The following NTN4 variants were observed in gnomAD, a reference collection of about 807,000 sequenced individuals.
NTN4 encodes the protein netrin-4.
NTN4 carries 32 observed loss-of-function variants against 73.6 expected under a neutral mutation model. That is an observed-to-expected ratio of 0.44 (90% confidence interval 0.33 to 0.58). NTN4 has a LOEUF of 0.58. NTN4 is among the 20% of genes least tolerant of loss of function. The pLI is 0.04. For missense variants in NTN4, 654 were observed against 798.3 expected (o/e 0.82, Z 2.18); for synonymous variants, 258 against 287.5 (o/e 0.90, Z 1.04).
At chr12:95,714,180 A>AT (rs1390252485) in intron 3 of NTN4, among the ~76,000 whole-genome samples, 1 of 152,106 alleles carries the variant, frequency 6.6e-6, no homozygotes, top group Admixed American at 6.6e-5. Flanking sequence ...GAATTTTAAT[A>AT]TTTTTTGTAT....
intron 2 of NTN4, among the ~76,000 whole-genome samples, chr12:95,756,089 GT>G (rs1324364830): frequency 2.0e-5 from 3 of 152,154 alleles, no homozygotes; most frequent in Non-Finnish European, 4.4e-5. Context: ...TGGTGACAGA[GT>G]TAAGACTGGA....
In NTN4 at chr12:95,704,627, G is replaced by A. The variant is rs1264545893; in HGVS notation, c.1180+5814C>T. ...TCAAACATACTCCTAATCAAACAAC[G>A]TAGGTAGAGAGTACGTAGGTAGAGA... On this transcript the variant is annotated intron_variant, in intron 5 of 9. Transcript: ENST00000343702. Among the ~76,000 whole-genome samples the A allele has an allele frequency of 5.9e-5, 9 of 152,164 alleles. 1 individual carries two copies. Among genetic ancestry groups the A allele is most frequent in the Admixed American group, 2.6e-4 (4 of 15,280 alleles).
At chr12:95,729,565 C>T (rs918622750) in intron 3 of NTN4, among the ~76,000 whole-genome samples, 1 of 150,650 alleles carries the variant, frequency 6.6e-6, no homozygotes, top group Non-Finnish European at 1.5e-5. Flanking sequence ...GTTTTCCTTA[C>T]TATTTGAAAT....
chr12:95,767,702 A>G (rs2079029467), intron 2 of NTN4, among the ~76,000 whole-genome samples: 1 of 152,112 alleles, frequency 6.6e-6, no homozygotes, highest in African/African-American at 2.4e-5. Flanking sequence ...ATCATTTCCC[A>G]TATTGATGAA....
Position 95,694,455 on chromosome 12 carries a change from C to T in NTN4, c.1181-10744G>A, listed in dbSNP as rs543742060. Among the ~76,000 whole-genome samples the T allele has an allele frequency of 2.0e-5, 3 of 152,082 alleles. No individual in the cohort carries two copies. The South Asian group carries it at 6.2e-4, about 32-fold the overall frequency. On this transcript the variant is annotated intron_variant, in intron 5 of 9. Transcript: ENST00000343702. Reference sequence around the variant, plus strand: ...TAGTGAAGTCATTCCAAAAGCTGCCCAGCTGCCTGCTGAATTCTTAGAGCA... The same window carrying T: ...TAGTGAAGTCATTCCAAAAGCTGCCTAGCTGCCTGCTGAATTCTTAGAGCA...
At chr12:95,786,152 G>T (rs1457673567) in intron 2 of NTN4, among the ~76,000 whole-genome samples, 1 of 152,082 alleles carries the variant, frequency 6.6e-6, no homozygotes, top group African/African-American at 2.4e-5. Flanking sequence ...TCTTTTTCCT[G>T]AATCAGTATT....
chr12:95,672,398 G>C, intron 7 of NTN4: 1 of 999,340 alleles, frequency 1.0e-6, no homozygotes, highest in Non-Finnish European at 1.6e-6. Flanking sequence ...ACCTGAGCCC[G>C]GCAGGCCACC....
intron 3 of NTN4, among the ~76,000 whole-genome samples, chr12:95,732,416 T>C (rs1297308544): frequency 8.0e-6 from 1 of 124,880 alleles, no homozygotes; most frequent in African/African-American, 2.7e-5. Context: ...TTTTTTTTTT[T>C]TTCCAGACAA....
intron 7 of NTN4, 51 bp downstream of exon 7, chr12:95,682,656 G>A (rs1277465420): frequency 7.8e-7 from 1 of 1,281,894 alleles, no homozygotes; most frequent in East Asian, 2.3e-5. Context: ...ACGTATCACT[G>A]TTACATAAGA....
intron 5 of NTN4, among the ~76,000 whole-genome samples, chr12:95,691,553 G>A (rs1445548083): frequency 6.6e-6 from 1 of 152,052 alleles, no homozygotes; most frequent in African/African-American, 2.4e-5. Flanking sequence ...GTGCCACCAC[G>A]CCTGGCTAAT....
intron 3 of NTN4, among the ~76,000 whole-genome samples, chr12:95,733,053 G>A (rs2078750189): frequency 6.6e-6 from 1 of 152,168 alleles, no homozygotes; most frequent in Admixed American, 6.5e-5. Context: ...CAAATTACAG[G>A]AGAAAAATCT....
intron 2 of NTN4, among the ~76,000 whole-genome samples, chr12:95,778,980 C>T (rs1401601386): frequency 6.6e-6 from 1 of 152,176 alleles, no homozygotes; most frequent in African/African-American, 2.4e-5. Context: ...GAGCTTCATC[C>T]CTGGGATGCA....
intron 5 of NTN4, among the ~76,000 whole-genome samples, chr12:95,700,836 CAG>C (rs1211253329): frequency 1.7e-5 from 2 of 115,216 alleles, no homozygotes; most frequent in African/African-American, 3.5e-5. Context: ...TTTTTTGAGA[CAG>C]AGTCTCCCTC....
chr12:95,738,115 G>C lies in NTN4; in HGVS notation c.615C>G (p.Tyr205Ter). The C allele has an allele frequency of 6.2e-7, 1 of 1,613,830 alleles. No homozygotes were observed. The highest frequency in any genetic ancestry group is 8.5e-7 in the Non-Finnish European group (1 of 1,179,814). Residue 205 changes from tyrosine to a stop codon, truncating the protein, a stop_gained, in exon 3 of 10, where the codon TAC becomes TAG. Transcript: ENST00000343702. LOFTEE classifies it high-confidence loss of function. ...TGGCACTGTAAGGGTTCTCTGTATC[G>C]TATGGTGGTGACAAAGCTTTGAAAA... ...EVIFKALSPP[Y>*]DTENPYSAKV...
intron 4 of NTN4, among the ~76,000 whole-genome samples, chr12:95,712,183 GA>G (rs1292843801): frequency 6.6e-6 from 1 of 152,002 alleles, no homozygotes; most frequent in Non-Finnish European, 1.5e-5. Flanking sequence ...AAATTGCAAA[GA>G]AAAAAATGGC....
At position 95,710,647 on chromosome 12, in the gene NTN4, GGAGA is replaced by G. The variant is rs771720373; in HGVS notation, c.992-22_992-19del. On this transcript the variant is annotated intron_variant, in intron 4 of 9. Transcript: ENST00000343702. ...CTTGCAGGCTGGAAATAAGAAGCGT[GGAGA>G]GAAACACTAATAAGTAAAAATAAAA... is the stretch of plus-strand genomic sequence containing the variant. 8.1e-6 allele frequency: 13 copies of G among 1,605,166 alleles called. No individual in the cohort carries two copies. The highest frequency in any genetic ancestry group is 1.1e-5 in the Non-Finnish European group (13 of 1,174,328).
chr12:95,776,209 G>GA (rs970820623), intron 2 of NTN4, among the ~76,000 whole-genome samples: 6 of 152,104 alleles, frequency 3.9e-5, no homozygotes, highest in African/African-American at 9.7e-5. Context: ...CAAAGATGGG[G>GA]AAAAAACAGA....
chr12:95,765,114 T>G (rs2079011993), intron 2 of NTN4, among the ~76,000 whole-genome samples: 1 of 152,254 alleles, frequency 6.6e-6, no homozygotes, highest in South Asian at 2.1e-4. Context: ...CATTTTACTT[T>G]AAGCTCATAC....
At chr12:95,684,784 T>C (rs2078348871) in intron 5 of NTN4, among the ~76,000 whole-genome samples, 1 of 152,218 alleles carries the variant, frequency 6.6e-6, no homozygotes, top group South Asian at 2.1e-4. Flanking sequence ...ACTTTTCATA[T>C]ATATGTATGT....
Sources: gnomAD v4.1 joint callset for allele counts (sites outside exome capture counted in the v4.1 genomes callset) on GRCh38, gnomAD v4.1.1 for gene constraint, MANE v1.5 for transcripts, NCBI Gene and HGNC (gene_info 2026-07-23, HGNC 2026-07-21) for gene names.